The following GALNT13 variants were observed in gnomAD, a reference collection of about 807,000 sequenced individuals.
GALNT13 encodes polypeptide N-acetylgalactosaminyltransferase 13, also known as UDP-GalNAc:polypeptide N-acetylgalactosaminyltransferase 13.
GALNT13 carries 28 observed loss-of-function variants against 64.2 expected under a neutral mutation model. The ratio of observed to expected loss-of-function variants is 0.44; its 90% CI spans 0.32 to 0.60. The LOEUF (loss-of-function observed/expected upper bound fraction) is 0.60. GALNT13 is among the 20% of genes least tolerant of loss of function. The pLI is 0.05. For synonymous variants in GALNT13, 214 were observed against 224.6 expected (o/e 0.95, Z 0.42); for missense variants, 577 against 669.8 (o/e 0.86, Z 1.53).
At chr2:153,336,064 GT>G in the GALNT13 span, among the ~76,000 whole-genome samples, 1 of 152,200 alleles carries the variant, frequency 6.6e-6, no homozygotes, top group Non-Finnish European at 1.5e-5. Flanking sequence ...AAGAATTGAG[GT>G]TTGGGAACAT....
the GALNT13 span, among the ~76,000 whole-genome samples, chr2:153,427,190 G>C: frequency 6.6e-6 from 1 of 151,994 alleles, no homozygotes; most frequent in Non-Finnish European, 1.5e-5. Context: ...AATGACTCTC[G>C]TGTTGCTATC....
chr2:153,382,309 C>T, the GALNT13 span, among the ~76,000 whole-genome samples: 1 of 152,054 alleles, frequency 6.6e-6, no homozygotes, highest in African/African-American at 2.4e-5. Flanking sequence ...AATAGGTTTT[C>T]AACCAGTGGC....
chr2:153,121,967 A>G, the GALNT13 span, among the ~76,000 whole-genome samples: 1 of 152,288 alleles, frequency 6.6e-6, no homozygotes, highest in South Asian at 2.1e-4. Context: ...TAATTATGGT[A>G]TGCATACAGT....
the GALNT13 span, among the ~76,000 whole-genome samples, chr2:153,557,921 C>G: frequency 0.068 from 10,320 of 152,168 alleles, 699 homozygotes; most frequent in East Asian, 0.36. Flanking sequence ...CAGAGTATAC[C>G]TTTTCTTCCT....
chr2:154,021,838 T>C (rs983812678), intron 3 of GALNT13, among the ~76,000 whole-genome samples: 3 of 149,562 alleles, frequency 2.0e-5, no homozygotes, highest in Non-Finnish European at 3.0e-5. Flanking sequence ...GGCTGTGGAT[T>C]TGTCATAGAT....
At chr2:153,193,485 T>C in the GALNT13 span, among the ~76,000 whole-genome samples, 1 of 149,440 alleles carries the variant, frequency 6.7e-6, no homozygotes, top group Non-Finnish European at 1.5e-5. Flanking sequence ...TTGGGAGATA[T>C]ACCTAATGCT....
At chr2:153,735,020 C>T in the GALNT13 span, among the ~76,000 whole-genome samples, 1 of 152,196 alleles carries the variant, frequency 6.6e-6, no homozygotes, top group East Asian at 1.9e-4. Flanking sequence ...TTCCTGGCTG[C>T]CAGACAAAGT....
the GALNT13 span, among the ~76,000 whole-genome samples, chr2:153,244,025 G>C: frequency 6.9e-6 from 1 of 144,408 alleles, no homozygotes; most frequent in African/African-American, 2.9e-5. Context: ...CATGAAATTT[G>C]GTTTTCCCTC....
intron 2 of GALNT13, among the ~76,000 whole-genome samples, chr2:153,923,882 A>G (rs1689929160): frequency 6.6e-6 from 1 of 151,890 alleles, no homozygotes; most frequent in Non-Finnish European, 1.5e-5. Context: ...ATCATTTTTT[A>G]TGGCTGCATA....
the GALNT13 span, among the ~76,000 whole-genome samples, chr2:153,516,320 T>G: frequency 6.6e-6 from 1 of 152,202 alleles, no homozygotes; most frequent in Non-Finnish European, 1.5e-5. Flanking sequence ...AATGAGCGAA[T>G]TATCTTACTG....
intron 9 of GALNT13, among the ~76,000 whole-genome samples, chr2:154,374,173 T>C (rs1026443059): frequency 4.6e-5 from 7 of 152,330 alleles, no homozygotes; most frequent in Admixed American, 2.0e-4. Context: ...ATTGGTAATA[T>C]GATTTAATTA....
the GALNT13 span, among the ~76,000 whole-genome samples, chr2:153,850,005 CAAAAAAAAAA>C: frequency 5.4e-4 from 46 of 84,692 alleles, 1 homozygote; most frequent in Middle Eastern, 0.01. Context: ...ACTAAAAATA[CAAAAAAAAAA>C]AAAAAAAAAA....
the GALNT13 span, among the ~76,000 whole-genome samples, chr2:153,073,122 A>G: frequency 6.6e-6 from 1 of 152,200 alleles, no homozygotes; most frequent in African/African-American, 2.4e-5. Flanking sequence ...GCGCTTTGAA[A>G]TACAATATGC....
At chr2:154,277,783 T>G (rs1691731575) in intron 8 of GALNT13, among the ~76,000 whole-genome samples, 1 of 152,192 alleles carries the variant, frequency 6.6e-6, no homozygotes, top group African/African-American at 2.4e-5. Context: ...ATTTACAACA[T>G]TTTCAAAATT....
chr2:153,764,340 T>G, the GALNT13 span, among the ~76,000 whole-genome samples: 1 of 152,198 alleles, frequency 6.6e-6, no homozygotes, highest in South Asian at 2.1e-4. Context: ...AGTTCAAGAC[T>G]AGCCTGACCA....
the GALNT13 span, among the ~76,000 whole-genome samples, chr2:153,826,274 C>T: frequency 6.6e-6 from 1 of 152,048 alleles, no homozygotes; most frequent in Non-Finnish European, 1.5e-5. Context: ...TCCACCAATC[C>T]TACTGCCTTG....
At chr2:153,111,046 C>T in the GALNT13 span, among the ~76,000 whole-genome samples, 2 of 151,996 alleles carry the variant, frequency 1.3e-5, no homozygotes, top group South Asian at 4.1e-4. Flanking sequence ...TCATTGATAG[C>T]AGAGAGACAT....
At chr2:153,591,100 G>C in the GALNT13 span, among the ~76,000 whole-genome samples, 1 of 152,046 alleles carries the variant, frequency 6.6e-6, no homozygotes, top group African/African-American at 2.4e-5. Context: ...TCTTAGATTT[G>C]ATCACTGAAT....
chr2:153,696,991 A>G, the GALNT13 span, among the ~76,000 whole-genome samples: 1 of 152,220 alleles, frequency 6.6e-6, no homozygotes, highest in Non-Finnish European at 1.5e-5. Flanking sequence ...GCCATTTTCT[A>G]AAAGTAATAA....
Sources: gnomAD v4.1 joint callset for allele counts (sites outside exome capture counted in the v4.1 genomes callset) on GRCh38, gnomAD v4.1.1 for gene constraint, MANE v1.5 for transcripts, NCBI Gene and HGNC (gene_info 2026-07-23, HGNC 2026-07-21) for gene names.